The following VWA3A variants were observed in gnomAD, a reference collection of about 807,000 sequenced individuals.
VWA3A encodes von Willebrand factor A domain-containing protein 3A.
In VWA3A, 134 loss-of-function variants were observed where a neutral mutation model predicts 160.4. That is an observed-to-expected ratio of 0.84 (90% CI 0.73 to 0.96). The LOEUF (loss-of-function observed/expected upper bound fraction) is 0.96, where lower values mean the gene tolerates loss of function less well. Ranked by LOEUF, VWA3A falls within the 40% of genes least tolerant of loss-of-function variation. The pLI is 0.00. For missense variants in VWA3A, 1,310 were observed against 1,447.9 expected, an observed-to-expected ratio of 0.90 and a Z score of 1.55; for synonymous variants, 476 against 543.4, an observed-to-expected ratio of 0.88 and a Z score of 1.72.
chr16:22,142,613 T>C (rs2046171648), intron 24 of VWA3A, 55 bp from the exon 25 acceptor site: 1 of 1,387,284 alleles, frequency 7.2e-7, no homozygotes. Context: ...TTCATGAGGT[T>C]TGCAGGGGCT....
chr16:22,149,988 G>A (rs2046321259), intron 29 of VWA3A, 57 bp downstream of exon 29: 2 of 1,535,286 alleles, frequency 1.3e-6, no homozygotes, highest in South Asian at 2.5e-5. Context: ...CATCCCCTAT[G>A]CTGATGCTGC....
Position 22,141,585 on chromosome 16 carries a change from C to A in VWA3A, c.2387C>A (p.Ala796Glu). Residue 796 changes from alanine (A) to glutamate (E), a missense_variant, in exon 24 of 34, where the codon GCG (alanine) becomes GAG (glutamate). Physicochemically the swap from Ala to Glu is moderately radical, Grantham distance 107. Coordinates refer to ENST00000389398, the MANE Select transcript of VWA3A (RefSeq NM_173615.5). ...CAACAAGCCAAATGTTCCTCAGCTGCGGCCCAGCCAACGAAAGAAGGGATG... is the reference window on the plus strand; with the variant it reads ...CAACAAGCCAAATGTTCCTCAGCTGAGGCCCAGCCAACGAAAGAAGGGATG... ...LSSRVGISPAAAQPTKEGMME... is the reference protein window; with the variant it reads ...LSSRVGISPAEAQPTKEGMME... 6.2e-7 allele frequency: 1 copy of A among 1,608,976 alleles called. No individual in the cohort carries two copies. Among genetic ancestry groups the A allele is most frequent in the South Asian group, 1.1e-5 (1 of 89,862 alleles).
chr16:22,105,874 G>T (rs915251249), intron 6 of VWA3A, among the ~76,000 whole-genome samples: 1 of 152,198 alleles, frequency 6.6e-6, no homozygotes, highest in Admixed American at 6.5e-5. Context: ...GAATATTTGG[G>T]TCATGAATTC....
At position 22,156,133 on chromosome 16, in the gene VWA3A, A is replaced by G. The variant is rs529000169; in HGVS notation, c.*116A>G. 2.0e-3 allele frequency: 1,188 copies of G among 582,356 alleles called. 10 individuals carry two copies. The highest frequency in any genetic ancestry group is 6.4e-4 in the Non-Finnish European group (213 of 331,220). The allele number at this position is 582,356 out of a possible 1,614,324, so 36.1% of individuals were successfully genotyped here. On this transcript the variant is annotated 3_prime_UTR_variant, in exon 34 of 34. Transcript: ENST00000389398. Reference sequence around the variant, plus strand: ...TGCAGGAAACATGATTCCTGGTACCAGGACTCTCTGGAAGCTGAGGAAGGA... The same window carrying G: ...TGCAGGAAACATGATTCCTGGTACCGGGACTCTCTGGAAGCTGAGGAAGGA...
intron 19 of VWA3A, among the ~76,000 whole-genome samples, chr16:22,132,312 G>C (rs1042148383): frequency 3.3e-5 from 5 of 151,952 alleles, no homozygotes; most frequent in African/African-American, 4.8e-5. Context: ...GAACCTGGAG[G>C]GGGAGGTTGC....
chr16:22,093,911 C>G (rs569946251), intron 1 of VWA3A, among the ~76,000 whole-genome samples: 1 of 151,726 alleles, frequency 6.6e-6, no homozygotes, highest in Admixed American at 6.6e-5. Flanking sequence ...ACTACAGGTG[C>G]GCACTGCCAT....
In VWA3A at chr16:22,124,131, T is replaced by C. The variant is rs370701509; in HGVS notation, c.1532+424T>C. Among the ~76,000 whole-genome samples, 36 of 141,264 alleles carry C rather than the reference T, an allele frequency of 2.5e-4. No individual in the cohort carries two copies. In the South Asian group the frequency reaches 7.8e-3, roughly 31 times the overall value. The allele number at this position is 141,264 out of a possible 152,430, so 92.7% of individuals were successfully genotyped here. ...AGGGGCTCAAGGCTGCAGTGGGCTA[T>C]GATCGTGCCACTGTACTCAAGCGTG... is the stretch of plus-strand genomic sequence containing the variant. On this transcript the variant is annotated intron_variant, in intron 16 of 33. Transcript: ENST00000389398.
In VWA3A at chr16:22,129,388, C is replaced by CA. The variant is rs1193879527; in HGVS notation, c.1653-1800dup. 6.4e-3 allele frequency among the ~76,000 whole-genome samples: 634 copies of CA among 99,174 alleles called. 7 individuals carry two copies. Among genetic ancestry groups the CA allele is most frequent in the Non-Finnish European group, 0.011 (454 of 41,910 alleles). The allele number at this position is 99,174 out of a possible 152,430, so 65.1% of individuals were successfully genotyped here. A position where few individuals can be genotyped will look rare whatever the true frequency, so the allele number is the denominator to read the frequency against. On this transcript the variant is annotated intron_variant, in intron 17 of 33. Transcript: ENST00000389398. ...TGGGCGACACAGCGAGACTCCATCT[C>CA]AAAAAAAAAAAAAAAAAGAAAGAAA...
chr16:22,121,193 C>A, intron 13 of VWA3A, 90 bp downstream of exon 13: 1 of 1,576,836 alleles, frequency 6.3e-7, no homozygotes. Flanking sequence ...CACCTGCAAT[C>A]CCAGCACTTT....
At chr16:22,113,091 C>T (rs1176891671) in intron 8 of VWA3A, among the ~76,000 whole-genome samples, 1 of 152,230 alleles carries the variant, frequency 6.6e-6, no homozygotes, top group South Asian at 2.1e-4. Context: ...AGTTCTGCAT[C>T]TTCAGGAACT....
chr16:22,098,911 C>CA (rs900328333), intron 3 of VWA3A, among the ~76,000 whole-genome samples: 3,222 of 41,084 alleles, frequency 0.078, 571 homozygotes, highest in East Asian at 0.36. Flanking sequence ...CCTGTTTCCA[C>CA]AAAAAAAAAA....
intron 16 of VWA3A, among the ~76,000 whole-genome samples, chr16:22,124,844 G>A (rs1010815913): frequency 6.6e-6 from 1 of 152,054 alleles, no homozygotes; most frequent in Admixed American, 6.6e-5. Context: ...CTTGAACCAA[G>A]GTCTTCTGAC....
intron 26 of VWA3A, 120 bp downstream of exon 26, chr16:22,144,504 A>T: frequency 1.5e-6 from 2 of 1,377,874 alleles, no homozygotes; most frequent in South Asian, 1.6e-5. Context: ...CTCCTCCCCA[A>T]AGTGGGACTC....
chr16:22,131,780 CT>C, intron 19 of VWA3A, 51 bp downstream of exon 19: 5 of 1,572,496 alleles, frequency 3.2e-6, no homozygotes, highest in Non-Finnish European at 4.3e-6. Context: ...CCTCATCCGT[CT>C]TCCCCCAGGT....
At chr16:22,138,329 G>GGT in intron 21 of VWA3A, 31 bp from the exon 22 acceptor site, 1 of 1,560,458 alleles carries the variant, frequency 6.4e-7, no homozygotes, top group Non-Finnish European at 8.7e-7. Flanking sequence ...AGTGGCTGGG[G>GGT]GTGCCACTGA....
intron 17 of VWA3A, among the ~76,000 whole-genome samples, chr16:22,126,865 A>T (rs2045858496): frequency 6.6e-6 from 1 of 151,816 alleles, no homozygotes; most frequent in African/African-American, 2.4e-5. Flanking sequence ...AAATAAAATT[A>T]TATGTATACA....
At chr16:22,145,436 C>T (rs1192848288) in intron 26 of VWA3A, among the ~76,000 whole-genome samples, 3 of 152,040 alleles carry the variant, frequency 2.0e-5, no homozygotes, top group African/African-American at 7.2e-5. Flanking sequence ...GTCAGGAGTT[C>T]GAGACCACCC....
intron 22 of VWA3A, among the ~76,000 whole-genome samples, chr16:22,138,729 AC>A: frequency 6.7e-6 from 1 of 148,630 alleles, no homozygotes. Context: ...CCCCCAACCC[AC>A]CCTTGGCTCT....
chr16:22,116,999 C>T, intron 10 of VWA3A, 112 bp from the exon 11 acceptor site: 1 of 1,443,292 alleles, frequency 6.9e-7, no homozygotes, highest in South Asian at 1.2e-5. Flanking sequence ...GCCTGGTTCT[C>T]CCTTTGGTAA....
Sources: gnomAD v4.1 joint callset for allele counts (sites outside exome capture counted in the v4.1 genomes callset) on GRCh38, gnomAD v4.1.1 for gene constraint, MANE v1.5 for transcripts, NCBI Gene and HGNC (gene_info 2026-07-23, HGNC 2026-07-21) for gene names.